Variants in FBXL7 observed in about 807,000 individuals in gnomAD.
FBXL7 encodes F-box/LRR-repeat protein 7.
FBXL7 carries 12 observed loss-of-function variants against 38.3 expected under a neutral mutation model. That is an observed-to-expected ratio of 0.31 (90% CI 0.20 to 0.51). The LOEUF is 0.51. Among genes scored for constraint, FBXL7 ranks in the 20% least tolerant of loss-of-function variants. The pLI, the probability that FBXL7 is intolerant of heterozygous loss-of-function variation, is 0.98. For synonymous variants in FBXL7, 297 were observed against 300.9 expected (o/e 0.99, Z 0.13); for missense variants, 567 against 676.4 (o/e 0.84, Z 1.79).
Position 15,599,413 on chromosome 5 carries a change from C to T in FBXL7, c.38-16570C>T, listed in dbSNP as rs141233470. On this transcript the variant is annotated intron_variant, in intron 1 of 3. Transcript: ENST00000504595. ...TATTTATGTGTGTGTGTACATGTTACAAACAGAAAATTTCAATTTAGGAAG... is the reference window on the plus strand; with the variant it reads ...TATTTATGTGTGTGTGTACATGTTATAAACAGAAAATTTCAATTTAGGAAG... Among the ~76,000 whole-genome samples, 113 of 152,146 alleles carry T rather than the reference C, an allele frequency of 7.4e-4. 2 individuals carry two copies. Among genetic ancestry groups the T allele is most frequent in the African/African-American group, 2.6e-3 (108 of 41,510 alleles).
intron 2 of FBXL7, among the ~76,000 whole-genome samples, chr5:15,730,998 C>G (rs1035812486): frequency 6.6e-6 from 1 of 152,116 alleles, no homozygotes; most frequent in African/African-American, 2.4e-5. Context: ...TTGCTAAGCT[C>G]TCTTATTACT....
At chr5:15,626,213 A>C (rs1740812671) in intron 2 of FBXL7, among the ~76,000 whole-genome samples, 2 of 152,162 alleles carry the variant, frequency 1.3e-5, no homozygotes, top group African/African-American at 2.4e-5. Context: ...GACCAAGTTT[A>C]TTTTATTGTT....
chr5:15,703,536 C>G (rs1743592184), intron 2 of FBXL7, among the ~76,000 whole-genome samples: 1 of 152,080 alleles, frequency 6.6e-6, no homozygotes, highest in Admixed American at 6.6e-5. Flanking sequence ...TTTGTGCATG[C>G]ATAAAACAAC....
In FBXL7 at chr5:15,833,854, G is replaced by A. The variant is rs1024536969; in HGVS notation, c.128-94036G>A. Among the ~76,000 whole-genome samples, 42 of 152,040 alleles carry A rather than the reference G, an allele frequency of 2.8e-4. 1 individual carries two copies. Among genetic ancestry groups the A allele is most frequent in the Admixed American group, 1.0e-3 (16 of 15,266 alleles). On this transcript the variant is annotated intron_variant, in intron 2 of 3. Coordinates refer to ENST00000504595, the MANE Select transcript of FBXL7 (RefSeq NM_012304.5). ...AGGGCATGGACATTCTAAAATTTTC[G>A]TGATGATATTGACTACTTTGACAAA... is the stretch of plus-strand genomic sequence containing the variant.
At chr5:15,856,335 G>C (rs1366273823) in intron 2 of FBXL7, among the ~76,000 whole-genome samples, 1 of 152,090 alleles carries the variant, frequency 6.6e-6, no homozygotes, top group African/African-American at 2.4e-5. Context: ...TACAATTCAA[G>C]ATGAGATTTG....
chr5:15,852,300 T>G (rs1739121190), intron 2 of FBXL7, among the ~76,000 whole-genome samples: 1 of 152,196 alleles, frequency 6.6e-6, no homozygotes, highest in Non-Finnish European at 1.5e-5. Context: ...CTTTGTTTTG[T>G]TTTTAACCAC....
At chr5:15,596,728 A>G (rs961273960) in intron 1 of FBXL7, among the ~76,000 whole-genome samples, 1 of 152,170 alleles carries the variant, frequency 6.6e-6, no homozygotes, top group African/African-American at 2.4e-5. Context: ...ATGGCTAATG[A>G]TGAAATCAAT....
chr5:15,799,025 T>A (rs1047749493), intron 2 of FBXL7, among the ~76,000 whole-genome samples: 1 of 152,226 alleles, frequency 6.6e-6, no homozygotes, highest in Non-Finnish European at 1.5e-5. Flanking sequence ...CATTTTTCTA[T>A]GTACTGACAA....
At chr5:15,792,497 A>G (rs1260937107) in intron 2 of FBXL7, among the ~76,000 whole-genome samples, 1 of 152,176 alleles carries the variant, frequency 6.6e-6, no homozygotes, top group Admixed American at 6.5e-5. Flanking sequence ...GTATTAATTC[A>G]TGTGGGGTGA....
At chr5:15,696,334 C>T (rs977411635) in intron 2 of FBXL7, among the ~76,000 whole-genome samples, 4 of 152,054 alleles carry the variant, frequency 2.6e-5, no homozygotes, top group African/African-American at 9.7e-5. Context: ...ATCTTCTCAC[C>T]CTCATATTAC....
intron 2 of FBXL7, among the ~76,000 whole-genome samples, chr5:15,888,101 C>T (rs1193882845): frequency 6.6e-6 from 1 of 152,154 alleles, no homozygotes; most frequent in Non-Finnish European, 1.5e-5. Flanking sequence ...GTAACTAATT[C>T]ATATTGCACT....
chr5:15,596,917 C>T (rs553458924), intron 1 of FBXL7, among the ~76,000 whole-genome samples: 4 of 152,136 alleles, frequency 2.6e-5, no homozygotes, highest in African/African-American at 7.2e-5. Context: ...TTTGCAATAT[C>T]CTTTATAGTA....
rs373393639 is a variant in FBXL7 at position 15,842,781 on chromosome 5, C to T, written c.128-85109C>T. ...AGCTCTTGTTTGCCACTATGTAAGA[C>T]GTTATTTTGCTCATTTGCCTTCCAC... On this transcript the variant is annotated intron_variant, in intron 2 of 3. Coordinates refer to ENST00000504595, the MANE Select transcript of FBXL7 (RefSeq NM_012304.5). Among the ~76,000 whole-genome samples the T allele has an allele frequency of 1.5e-4, 23 of 152,264 alleles. No individual in the cohort carries two copies. In the South Asian group the frequency reaches 4.1e-3, roughly 27 times the overall value.
At chr5:15,719,150 GGT>G (rs1222998461) in intron 2 of FBXL7, among the ~76,000 whole-genome samples, 9 of 152,188 alleles carry the variant, frequency 5.9e-5, no homozygotes, top group Admixed American at 5.9e-4. Context: ...GCAGCTTTCT[GGT>G]GGGATTTTAC....
intron 2 of FBXL7, among the ~76,000 whole-genome samples, chr5:15,855,658 A>G (rs938925034): frequency 6.6e-6 from 1 of 152,224 alleles, no homozygotes; most frequent in Non-Finnish European, 1.5e-5. Flanking sequence ...TTTTTAAACT[A>G]TAAACAGCTT....
At chr5:15,841,555 C>A (rs1445373589) in intron 2 of FBXL7, among the ~76,000 whole-genome samples, 1 of 152,130 alleles carries the variant, frequency 6.6e-6, no homozygotes, top group Non-Finnish European at 1.5e-5. Flanking sequence ...CACCTTCTTG[C>A]ATTCCTGAAA....
chr5:15,743,206 C>G (rs990001484), intron 2 of FBXL7, among the ~76,000 whole-genome samples: 8 of 152,144 alleles, frequency 5.3e-5, no homozygotes, highest in Middle Eastern at 3.2e-3. Flanking sequence ...AGTATTAACT[C>G]AAAAGTCCAA....
At chr5:15,567,942 C>T (rs1431048516) in intron 1 of FBXL7, among the ~76,000 whole-genome samples, 1 of 152,104 alleles carries the variant, frequency 6.6e-6, no homozygotes, top group African/African-American at 2.4e-5. Context: ...TTTTTTATGG[C>T]TGCATAGTAT....
At chr5:15,718,712 A>G (rs1015633715) in intron 2 of FBXL7, among the ~76,000 whole-genome samples, 3 of 152,234 alleles carry the variant, frequency 2.0e-5, no homozygotes, top group African/African-American at 7.2e-5. Context: ...CATCAGTACA[A>G]TTCTGCAGTG....
Sources: allele counts gnomAD v4.1 joint callset (sites outside exome capture counted in the v4.1 genomes callset), GRCh38; gene constraint gnomAD v4.1.1; transcripts MANE v1.5; gene names NCBI Gene and HGNC (gene_info 2026-07-23, HGNC 2026-07-21).